VPS13B: variants seen among roughly 807,000 people sequenced by gnomAD.
The protein encoded by VPS13B is intermembrane lipid transfer protein VPS13B.
Under a neutral mutation model 426.4 loss-of-function variants are expected in VPS13B, and 285 were observed. The observed-to-expected ratio is 0.67, with a 90% CI of 0.61 to 0.74. The LOEUF (loss-of-function observed/expected upper bound fraction) is 0.74. Among genes scored for constraint, VPS13B ranks in the 30% least tolerant of loss-of-function variants. The pLI, the probability that VPS13B is intolerant of heterozygous loss-of-function variation, is 0.00. For synonymous variants in VPS13B, 1,676 were observed against 1,676.4 expected, an observed-to-expected ratio of 1.00 and a Z score of 0.01; for missense variants, 4,537 against 4,782.6, an observed-to-expected ratio of 0.95 and a Z score of 1.51.
chr8:99,607,197 G>C (rs1827633808), intron 33 of VPS13B, among the ~76,000 whole-genome samples: 1 of 152,162 alleles, frequency 6.6e-6, no homozygotes, highest in East Asian at 1.9e-4. Context: ...TCTTTTCCAA[G>C]AGAACATTAA....
At chr8:99,825,737 A>C (rs181511136) in intron 51 of VPS13B, among the ~76,000 whole-genome samples, 1 of 152,242 alleles carries the variant, frequency 6.6e-6, no homozygotes, top group Non-Finnish European at 1.5e-5. Flanking sequence ...ATCTTCAGTT[A>C]ATTTTTGTAT....
At chr8:99,619,814 G>A (rs1005314250) in intron 33 of VPS13B, among the ~76,000 whole-genome samples, 2 of 151,744 alleles carry the variant, frequency 1.3e-5, no homozygotes, top group Non-Finnish European at 2.9e-5. Flanking sequence ...GAGGTTGTAT[G>A]CAGTGTGCTG....
intron 24 of VPS13B, among the ~76,000 whole-genome samples, chr8:99,468,069 T>A (rs1475017798): frequency 2.0e-5 from 3 of 152,218 alleles, no homozygotes; most frequent in African/African-American, 7.2e-5. Flanking sequence ...GTCACATATG[T>A]ATACATGTGC....
chr8:99,485,021 A>G (rs991769350), intron 25 of VPS13B, among the ~76,000 whole-genome samples: 4 of 152,178 alleles, frequency 2.6e-5, no homozygotes, highest in African/African-American at 9.6e-5. Flanking sequence ...GTGAGTCTTC[A>G]TTTTATGTTC....
intron 3 of VPS13B, among the ~76,000 whole-genome samples, chr8:99,070,607 C>T (rs1359330624): frequency 6.6e-6 from 1 of 152,020 alleles, no homozygotes; most frequent in Non-Finnish European, 1.5e-5. Context: ...TTTTCTGATA[C>T]TCCCCTTCAG....
At position 99,853,508 on chromosome 8, in the gene VPS13B, G is replaced by A. The variant is rs1159607522; in HGVS notation, c.10119G>A (p.Val3373=). 19 of 1,614,088 alleles carry A rather than the reference G, an allele frequency of 1.2e-5. No individual in the cohort carries two copies. Among genetic ancestry groups the A allele is most frequent in the Non-Finnish European group, 1.5e-5 (18 of 1,180,038 alleles). ...TCATCACTCAGTTAAGCCTGGCAGT[G>A]TTTGATGACCTCACCCACCACAAAG... The part of the protein sequence containing the change: ...KMFITQLSLA[V]FDDLTHHKAS... The change falls in exon 56 of 62, where the codon GTG becomes GTA. Residue 3373 remains valine, a synonymous_variant. Coordinates refer to ENST00000357162, the MANE Select transcript of VPS13B (RefSeq NM_152564.5).
intron 17 of VPS13B, among the ~76,000 whole-genome samples, chr8:99,195,581 G>A (rs575139859): frequency 6.6e-6 from 1 of 152,196 alleles, no homozygotes; most frequent in African/African-American, 2.4e-5. Context: ...TTTGTTTGAT[G>A]CAGTCCCATT....
intron 39 of VPS13B, among the ~76,000 whole-genome samples, chr8:99,761,219 A>T (rs560993368): frequency 6.6e-6 from 1 of 152,370 alleles, no homozygotes; most frequent in African/African-American, 2.4e-5. Flanking sequence ...ATACTTTGGT[A>T]TGTATCTCCA....
chr8:99,503,062 C>A, intron 27 of VPS13B, 112 bp downstream of exon 27: 1 of 747,816 alleles, frequency 1.3e-6, no homozygotes, highest in Non-Finnish European at 2.3e-6. Flanking sequence ...ACTATACAGG[C>A]ATACCTCGGA....
chr8:99,159,181 G>A (rs1811514174), intron 15 of VPS13B, among the ~76,000 whole-genome samples: 1 of 152,198 alleles, frequency 6.6e-6, no homozygotes, highest in South Asian at 2.1e-4. Context: ...TAGAATTGGT[G>A]TCTGAAGATA....
chr8:99,476,485 A>G (rs1467659879), intron 24 of VPS13B, among the ~76,000 whole-genome samples: 1 of 152,066 alleles, frequency 6.6e-6, no homozygotes, highest in Admixed American at 6.6e-5. Flanking sequence ...AAGATGAATA[A>G]AACAAACACG....
At chr8:99,255,428 A>G (rs929090398) in intron 17 of VPS13B, among the ~76,000 whole-genome samples, 2 of 152,132 alleles carry the variant, frequency 1.3e-5, no homozygotes, top group Non-Finnish European at 2.9e-5. Context: ...GGTTTTTGGT[A>G]CGATGAGTGA....
At chr8:99,697,468 C>T (rs1832077932) in intron 35 of VPS13B, 9 of 729,676 alleles carry the variant, frequency 1.2e-5, no homozygotes, top group African/African-American at 3.5e-5. Flanking sequence ...ACATCCTCAG[C>T]GATGCCTGCT....
At chr8:99,177,763 A>G (rs1474596146) in intron 16 of VPS13B, among the ~76,000 whole-genome samples, 3 of 152,202 alleles carry the variant, frequency 2.0e-5, no homozygotes, top group Non-Finnish European at 2.9e-5. Flanking sequence ...TTTACAACTC[A>G]TTCTTAGCTT....
intron 4 of VPS13B, among the ~76,000 whole-genome samples, chr8:99,099,563 A>G (rs1229132277): frequency 6.6e-6 from 1 of 152,228 alleles, no homozygotes; most frequent in Admixed American, 6.5e-5. Context: ...TTCACAGTTT[A>G]TCAGAGAAGA....
intron 54 of VPS13B, among the ~76,000 whole-genome samples, chr8:99,838,904 C>T (rs1815531255): frequency 6.6e-6 from 1 of 152,328 alleles, no homozygotes; most frequent in East Asian, 1.9e-4. Flanking sequence ...GTTCAGAGGG[C>T]ACGTGGTCCT....
intron 29 of VPS13B, among the ~76,000 whole-genome samples, chr8:99,515,077 C>T (rs1334988270): frequency 6.6e-6 from 1 of 152,040 alleles, no homozygotes; most frequent in East Asian, 1.9e-4. Context: ...TGATACTTAC[C>T]AATGGTTTAT....
chr8:99,446,973 C>G (rs1480824913), intron 23 of VPS13B, among the ~76,000 whole-genome samples: 1 of 152,008 alleles, frequency 6.6e-6, no homozygotes, highest in African/African-American at 2.4e-5. Flanking sequence ...TATCTTGATT[C>G]TATTTAAAAC....
intron 5 of VPS13B, among the ~76,000 whole-genome samples, chr8:99,103,935 C>G (rs1376714543): frequency 6.6e-6 from 1 of 152,142 alleles, no homozygotes; most frequent in Non-Finnish European, 1.5e-5. Flanking sequence ...CATACCTGGC[C>G]TATACTTGTT....
Sources: gnomAD v4.1 joint callset for allele counts (sites outside exome capture counted in the v4.1 genomes callset) on GRCh38, gnomAD v4.1.1 for gene constraint, MANE v1.5 for transcripts, NCBI Gene and HGNC (gene_info 2026-07-23, HGNC 2026-07-21) for gene names.